The following ACVR1C variants were observed in gnomAD, a reference collection of about 807,000 sequenced individuals.
ACVR1C encodes activin A receptor type 1C, also known as activin receptor type-1C.
ACVR1C carries 23 observed loss-of-function variants against 57.9 expected under a neutral mutation model. The observed-to-expected ratio is 0.40, with a 90% CI of 0.29 to 0.56. The LOEUF (loss-of-function observed/expected upper bound fraction) is 0.56. Ranked by LOEUF, ACVR1C falls within the 20% of genes least tolerant of loss-of-function variation. The pLI is 0.50. For synonymous variants in ACVR1C, 214 were observed against 215.3 expected (o/e 0.99, Z 0.05); for missense variants, 480 against 607.9 (o/e 0.79, Z 2.21).
intron 1 of ACVR1C, among the ~76,000 whole-genome samples, chr2:157,612,992 C>T (rs1248256381): frequency 1.3e-5 from 2 of 152,158 alleles, no homozygotes; most frequent in African/African-American, 2.4e-5. Context: ...GTAATGTTCC[C>T]GCAGAGTCTC....
intron 1 of ACVR1C, among the ~76,000 whole-genome samples, chr2:157,600,130 G>A (rs78302619): frequency 0.13 from 19,053 of 152,206 alleles, 1,600 homozygotes; most frequent in East Asian, 0.26. Context: ...AATCACAGTT[G>A]AGGAAGAAAA....
At chr2:157,586,248 A>G (rs1688919176) in intron 2 of ACVR1C, among the ~76,000 whole-genome samples, 1 of 152,106 alleles carries the variant, frequency 6.6e-6, no homozygotes, top group Non-Finnish European at 1.5e-5. Flanking sequence ...GTGATATTAT[A>G]TTTTATAAAA....
intron 3 of ACVR1C, among the ~76,000 whole-genome samples, chr2:157,554,331 G>A (rs971148249): frequency 1.5e-5 from 2 of 133,606 alleles, no homozygotes; most frequent in African/African-American, 2.9e-5. Context: ...GAAAAAGAAA[G>A]AGAAAGAGAG....
intron 2 of ACVR1C, among the ~76,000 whole-genome samples, chr2:157,560,922 A>G (rs1356790506): frequency 1.3e-5 from 2 of 152,196 alleles, no homozygotes; most frequent in Admixed American, 1.3e-4. Context: ...TAATATCTAC[A>G]TTTCAAATTA....
At chr2:157,585,544 T>C (rs1378592393) in intron 2 of ACVR1C, among the ~76,000 whole-genome samples, 1 of 152,134 alleles carries the variant, frequency 6.6e-6, no homozygotes, top group Non-Finnish European at 1.5e-5. Flanking sequence ...TACCTTTTGT[T>C]ATAGTCAAAG....
intron 2 of ACVR1C, among the ~76,000 whole-genome samples, chr2:157,585,424 C>A (rs1295817096): frequency 6.6e-6 from 1 of 152,118 alleles, no homozygotes; most frequent in African/African-American, 2.4e-5. Flanking sequence ...AACATATAGA[C>A]CTCTCAGTAC....
intron 1 of ACVR1C, among the ~76,000 whole-genome samples, chr2:157,618,359 G>A (rs1682698500): frequency 6.6e-6 from 1 of 151,502 alleles, no homozygotes; most frequent in Non-Finnish European, 1.5e-5. Flanking sequence ...CTAATATTTA[G>A]TCAATTTAAC....
At chr2:157,547,742 C>T (rs1253955847) in intron 4 of ACVR1C, among the ~76,000 whole-genome samples, 14 of 150,590 alleles carry the variant, frequency 9.3e-5, no homozygotes, top group Admixed American at 5.3e-4. Flanking sequence ...GAGTAGGCTG[C>T]GAAAATTTTC....
intron 1 of ACVR1C, among the ~76,000 whole-genome samples, chr2:157,587,931 AT>A (rs1688967226): frequency 6.6e-6 from 1 of 152,094 alleles, no homozygotes; most frequent in South Asian, 2.1e-4. Context: ...CTCTAAAAAA[AT>A]AGTTGTGACA....
chr2:157,556,091 A>AC lies in ACVR1C; in HGVS notation c.544+1dup. 1 of 1,614,014 alleles carries AC rather than the reference A, an allele frequency of 6.2e-7. No homozygotes were observed. The highest frequency in any genetic ancestry group is 8.5e-7 in the Non-Finnish European group (1 of 1,179,888). ...TTAAAAAAATGGACAATGGTAACATACCAGAGCCAGATCCAGAGGCGGTCA... is the reference window on the plus strand; with the variant it reads ...TTAAAAAAATGGACAATGGTAACATACCCAGAGCCAGATCCAGAGGCGGTCA... On this transcript the variant is annotated splice_donor_variant, in intron 3 of 8. Coordinates refer to ENST00000243349, the MANE Select transcript of ACVR1C (RefSeq NM_145259.3). LOFTEE classifies it high-confidence loss of function.
At chr2:157,576,061 A>T (rs1688641215) in intron 2 of ACVR1C, among the ~76,000 whole-genome samples, 1 of 152,166 alleles carries the variant, frequency 6.6e-6, no homozygotes. Context: ...TATAGGTAGA[A>T]GATAACAAAT....
intron 1 of ACVR1C, among the ~76,000 whole-genome samples, chr2:157,624,603 G>T (rs1413423384): frequency 6.6e-6 from 1 of 152,138 alleles, no homozygotes; most frequent in Non-Finnish European, 1.5e-5. Context: ...ACTCATGTAG[G>T]ATTGGAGAAA....
intron 1 of ACVR1C, among the ~76,000 whole-genome samples, chr2:157,603,194 A>T (rs1004304125): frequency 5.9e-5 from 9 of 152,060 alleles, no homozygotes; most frequent in African/African-American, 2.2e-4. Flanking sequence ...TCATAAAATG[A>T]CTCCTACGCT....
rs1558975202 is a variant in ACVR1C at position 157,554,281 on chromosome 2, A to AAGGAAGGG, written c.544+1811_544+1812insCCCTTCCT. ...AAAGAAAGAAAGAAAGGAAGGAAGG[A>AAGGAAGGG]AGAGAGAGAGAGAGAGAAAGAAAGA... On this transcript the variant is annotated intron_variant, in intron 3 of 8. Transcript: ENST00000243349. 2.0e-4 allele frequency among the ~76,000 whole-genome samples: 25 copies of AAGGAAGGG among 122,396 alleles called. 1 individual carries two copies. Among genetic ancestry groups the AAGGAAGGG allele is most frequent in the African/African-American group, 8.0e-4 (19 of 23,646 alleles). 80.3% of individuals were successfully genotyped at this position (122,396 alleles called of 152,430 possible).
intron 1 of ACVR1C, among the ~76,000 whole-genome samples, chr2:157,598,885 A>G (rs2105137333): frequency 6.6e-6 from 1 of 152,250 alleles, no homozygotes; most frequent in East Asian, 1.9e-4. Flanking sequence ...GGTTGACTGC[A>G]TCAGAAAGTG....
chr2:157,607,504 A>G (rs868781412), intron 1 of ACVR1C, among the ~76,000 whole-genome samples: 4 of 151,904 alleles, frequency 2.6e-5, no homozygotes, highest in Middle Eastern at 6.8e-3. Flanking sequence ...TTCTGTGAAA[A>G]TGACATTAGT....
chr2:157,605,673 A>T (rs1460611541), intron 1 of ACVR1C, among the ~76,000 whole-genome samples: 1 of 151,654 alleles, frequency 6.6e-6, no homozygotes, highest in Non-Finnish European at 1.5e-5. Flanking sequence ...ACTTTTACTT[A>T]AATATTTATT....
At chr2:157,550,046 A>C (rs1476980990) in intron 4 of ACVR1C, 116 bp downstream of exon 4, 2 of 849,876 alleles carry the variant, frequency 2.4e-6, no homozygotes, top group African/African-American at 3.5e-5. Context: ...AAAAAAAAAA[A>C]AGAAGAGGTG....
intron 3 of ACVR1C, 98 bp downstream of exon 3, chr2:157,555,995 G>T: frequency 1.5e-6 from 2 of 1,358,590 alleles, no homozygotes; most frequent in Non-Finnish European, 2.0e-6. Context: ...TTTCAAGACG[G>T]AATTCATAAT....
Sources: allele counts gnomAD v4.1 joint callset (sites outside exome capture counted in the v4.1 genomes callset), GRCh38; gene constraint gnomAD v4.1.1; transcripts MANE v1.5; gene names NCBI Gene and HGNC (gene_info 2026-07-23, HGNC 2026-07-21).